NEDD8: variants seen among roughly 807,000 people sequenced by gnomAD.
NEDD8 encodes the protein NEDD8 ubiquitin like modifier, also known as ubiquitin-like protein NEDD8.
In NEDD8, 1 loss-of-function variant was observed where a neutral mutation model predicts 13.8. The observed-to-expected ratio is 0.07, with a 90% CI of 0.03 to 0.34. The LOEUF (loss-of-function observed/expected upper bound fraction) is 0.34. Among genes scored for constraint, NEDD8 ranks in the 10% least tolerant of loss-of-function variants. The probability of loss-of-function intolerance (pLI) is 0.99; values close to 1 mark genes in which losing one functional copy is unlikely to be tolerated. For synonymous variants in NEDD8, 31 were observed against 33.2 expected, an observed-to-expected ratio of 0.93 and a Z score of 0.23; for missense variants, 10 against 95.2, an observed-to-expected ratio of 0.10 and a Z score of 3.73.
In NEDD8 at chr14:24,219,798, T is replaced by G. The variant is rs192990439; in HGVS notation, c.19-1367A>C. Among the ~76,000 whole-genome samples the G allele has an allele frequency of 2.0e-5, 3 of 152,294 alleles. No homozygotes were observed. In the East Asian group the frequency reaches 5.8e-4, roughly 29 times the overall value. On this transcript the variant is annotated intron_variant, in intron 1 of 3. Transcript: ENST00000250495. ...TCTTTGCTTCCGTTATTTTCCTTGT[T>G]GCAATATCCTCCCCTTCTTCTCCAA... is the stretch of plus-strand genomic sequence containing the variant.
Position 24,232,361 on chromosome 14 carries a change from C to CACCG in NEDD8, c.-95_-94insCGGT. On this transcript the variant is annotated 5_prime_UTR_variant, in exon 1 of 4. Coordinates refer to ENST00000250495, the MANE Select transcript of NEDD8 (RefSeq NM_006156.3). ...CTCCAGCACTCTTGCCTGCAAGGGC[C>CACCG]ACTTCTACTTCCGGGTCACTGTCTG... is the stretch of plus-strand genomic sequence containing the variant. 1 of 1,372,570 alleles carries CACCG rather than the reference C, an allele frequency of 7.3e-7. No individual in the cohort carries two copies. Among genetic ancestry groups the CACCG allele is most frequent in the African/African-American group, 1.5e-5 (1 of 68,722 alleles). The allele number at this position is 1,372,570 out of a possible 1,614,324, so 85.0% of individuals were successfully genotyped here.
intron 1 of NEDD8, among the ~76,000 whole-genome samples, chr14:24,219,533 A>T (rs2039766914): frequency 6.6e-6 from 1 of 151,726 alleles, no homozygotes; most frequent in African/African-American, 2.4e-5. Flanking sequence ...AAAGAAGACA[A>T]GAAGTCAACA....
chr14:24,222,263 C>T (rs552442260), intron 1 of NEDD8, among the ~76,000 whole-genome samples: 1 of 151,950 alleles, frequency 6.6e-6, no homozygotes, highest in Non-Finnish European at 1.5e-5. Context: ...ATTACAAATC[C>T]CTCAAACAAT....
Position 24,221,089 on chromosome 14 carries a change from C to A in NEDD8, c.19-2658G>T, listed in dbSNP as rs528842475. On this transcript the variant is annotated intron_variant, in intron 1 of 3. Coordinates refer to ENST00000250495, the MANE Select transcript of NEDD8 (RefSeq NM_006156.3). ...GTGATTCTCAAGCTTCTACCCTAACCTATGCTGGTCTGTGTGAAAATTTTC... is the reference window on the plus strand; with the variant it reads ...GTGATTCTCAAGCTTCTACCCTAACATATGCTGGTCTGTGTGAAAATTTTC... Among the ~76,000 whole-genome samples, 4 of 152,258 alleles carry A rather than the reference C, an allele frequency of 2.6e-5. No individual in the cohort carries two copies. In the East Asian group the frequency reaches 7.7e-4, roughly 29 times the overall value.
chr14:24,219,959 G>A (rs562886293), intron 1 of NEDD8, among the ~76,000 whole-genome samples: 1 of 152,274 alleles, frequency 6.6e-6, no homozygotes, highest in South Asian at 2.1e-4. Flanking sequence ...GGCCAACATG[G>A]AGAAAGCCTT....
intron 1 of NEDD8, among the ~76,000 whole-genome samples, chr14:24,224,175 C>A (rs904456666): frequency 1.3e-5 from 2 of 152,164 alleles, no homozygotes; most frequent in African/African-American, 4.8e-5. Context: ...GTGATCCGCC[C>A]GCCTCGGCCT....
intron 1 of NEDD8, among the ~76,000 whole-genome samples, chr14:24,229,207 TG>T (rs2039948654): frequency 6.6e-6 from 1 of 152,192 alleles, no homozygotes; most frequent in African/African-American, 2.4e-5. Context: ...TTGATTTTTT[TG>T]TTCAAACAGT....
intron 1 of NEDD8, among the ~76,000 whole-genome samples, chr14:24,230,196 G>GCAA (rs1378206643): frequency 1.6e-5 from 2 of 121,286 alleles, no homozygotes; most frequent in African/African-American, 6.9e-5. Flanking sequence ...TTCAGGCCTG[G>GCAA]CAACAGAGTG....
At chr14:24,229,233 A>T (rs2039949213) in intron 1 of NEDD8, among the ~76,000 whole-genome samples, 1 of 152,016 alleles carries the variant, frequency 6.6e-6, no homozygotes, top group Non-Finnish European at 1.5e-5. Flanking sequence ...TTATTTATTT[A>T]TTTTTTGAGA....
chr14:24,218,280 A>T, intron 2 of NEDD8, 65 bp from the exon 3 acceptor site: 1 of 1,613,756 alleles, frequency 6.2e-7, no homozygotes, highest in Non-Finnish European at 8.5e-7. Flanking sequence ...GGAAAGAACA[A>T]GGGCTATGCA....
intron 1 of NEDD8, among the ~76,000 whole-genome samples, chr14:24,230,534 CAA>C (rs1181616079): frequency 0.012 from 779 of 65,048 alleles, 6 homozygotes; most frequent in African/African-American, 0.047. Flanking sequence ...GACTCTGTCT[CAA>C]AAAAAAAAAA....
intron 1 of NEDD8, among the ~76,000 whole-genome samples, chr14:24,225,955 C>T (rs1034421525): frequency 6.6e-6 from 1 of 151,700 alleles, no homozygotes; most frequent in African/African-American, 2.4e-5. Flanking sequence ...AGGAGAAATG[C>T]TTGAACCCAG....
intron 1 of NEDD8, chr14:24,227,159 T>C (rs952691970): frequency 6.6e-6 from 1 of 152,214 alleles, no homozygotes; most frequent in Non-Finnish European, 1.5e-5. Context: ...ATACAAATGT[T>C]TAGATTTTGT....
intron 1 of NEDD8, among the ~76,000 whole-genome samples, chr14:24,223,889 T>C (rs1200165477): frequency 6.6e-6 from 1 of 151,896 alleles, no homozygotes; most frequent in Non-Finnish European, 1.5e-5. Flanking sequence ...CGCGTGTCAC[T>C]ACGCCTGGCT....
At position 24,217,054 on chromosome 14, in the gene NEDD8, T is replaced by C; in HGVS notation, c.*73A>G. 8.3e-7 allele frequency: 1 copy of C among 1,206,816 alleles called. No individual in the cohort carries two copies. The highest frequency in any genetic ancestry group is 2.5e-5 in the East Asian group (1 of 40,644). The allele number at this position is 1,206,816 out of a possible 1,614,324, so 74.8% of individuals were successfully genotyped here. A position where few individuals can be genotyped will look rare whatever the true frequency, so the allele number is the denominator to read the frequency against. ...CCAGGGGAGGGGGCAGTGGCTATGG[T>C]GTCCCAGAGAGTGAGAGGATATATG... On this transcript the variant is annotated 3_prime_UTR_variant, in exon 4 of 4. Transcript: ENST00000250495.
At chr14:24,229,460 C>T (rs1308406897) in intron 1 of NEDD8, among the ~76,000 whole-genome samples, 3 of 152,150 alleles carry the variant, frequency 2.0e-5, no homozygotes, top group African/African-American at 7.2e-5. Flanking sequence ...CCTCGTGATC[C>T]GCCCGCCTTG....
intron 1 of NEDD8, chr14:24,226,631 T>A (rs2039896183): frequency 6.6e-6 from 1 of 152,122 alleles, no homozygotes; most frequent in Non-Finnish European, 1.5e-5. Flanking sequence ...TTTTAATTTA[T>A]ATAACATTAT....
Position 24,230,218 on chromosome 14 carries a change from CAAAAAAAAAAAA to C in NEDD8, c.18+2020_18+2031del, listed in dbSNP as rs560583502. On this transcript the variant is annotated intron_variant, in intron 1 of 3. Transcript: ENST00000250495. ...CTGGCAACAGAGTGAGACTCTGTCT[CAAAAAAAAAAAA>C]AAAAAAAAAAAAAAAGGCCAGGCAC... Among the ~76,000 whole-genome samples, 77 of 73,834 alleles carry C rather than the reference CAAAAAAAAAAAA, an allele frequency of 1.0e-3. 2 individuals are homozygous for C. The highest frequency in any genetic ancestry group is 4.4e-3 in the African/African-American group (68 of 15,488). The allele number at this position is 73,834 out of a possible 152,430, so 48.4% of individuals were successfully genotyped here. A position where few individuals can be genotyped will look rare whatever the true frequency, so the allele number is the denominator to read the frequency against.
chr14:24,232,354 C>T lies in NEDD8; in HGVS notation c.-87G>A. Reference sequence around the variant, plus strand: ...TGCCGCCCTCCAGCACTCTTGCCTGCAAGGGCCACTTCTACTTCCGGGTCA... The same window carrying T: ...TGCCGCCCTCCAGCACTCTTGCCTGTAAGGGCCACTTCTACTTCCGGGTCA... On this transcript the variant is annotated 5_prime_UTR_variant, in exon 1 of 4. Transcript: ENST00000250495. 6.9e-7 allele frequency: 1 copy of T among 1,449,676 alleles called. No individual in the cohort carries two copies. Among genetic ancestry groups the T allele is most frequent in the South Asian group, 1.2e-5 (1 of 86,816 alleles). 89.8% of individuals were successfully genotyped at this position (1,449,676 alleles called of 1,614,324 possible). A position where few individuals can be genotyped will look rare whatever the true frequency, so the allele number is the denominator to read the frequency against.
Sources: allele counts gnomAD v4.1 joint callset (sites outside exome capture counted in the v4.1 genomes callset), GRCh38; gene constraint gnomAD v4.1.1; transcripts MANE v1.5; gene names NCBI Gene and HGNC (gene_info 2026-07-23, HGNC 2026-07-21).